Variants in SCN9A observed in about 807,000 individuals in gnomAD.
The protein encoded by SCN9A is sodium channel protein type 9 subunit alpha.
In SCN9A, 131 loss-of-function variants were observed where a neutral mutation model predicts 187.0. The observed-to-expected ratio is 0.70, with a 90% CI of 0.61 to 0.81. The LOEUF is 0.81. Ranked by LOEUF, SCN9A falls within the 30% of genes least tolerant of loss-of-function variation. The pLI is 0.00. For missense variants in SCN9A, 2,252 were observed against 2,396.6 expected, an observed-to-expected ratio of 0.94 and a Z score of 1.26; for synonymous variants, 809 against 808.6, an observed-to-expected ratio of 1.00 and a Z score of -0.01.
chr2:166,346,014 A>G, intron 1 of SCN9A, among the ~76,000 whole-genome samples: 1 of 152,164 alleles, frequency 6.6e-6, no homozygotes, highest in East Asian at 1.9e-4. Flanking sequence ...TTGAAACAAC[A>G]AAGATGGAGA....
At chr2:166,267,070 G>A (rs1418309543) in intron 17 of SCN9A, among the ~76,000 whole-genome samples, 1 of 151,740 alleles carries the variant, frequency 6.6e-6, no homozygotes, top group Non-Finnish European at 1.5e-5. Context: ...GATTGCTCTG[G>A]CTAGAACTTC....
chr2:166,283,095 A>G (rs1005495168), intron 12 of SCN9A, among the ~76,000 whole-genome samples: 6 of 152,152 alleles, frequency 3.9e-5, no homozygotes, highest in African/African-American at 1.2e-4. Context: ...TGATTTTTCT[A>G]TGGTGAAAAA....
chr2:166,288,517 T>G lies in SCN9A; in HGVS notation c.1234A>C (p.Asn412His), dbSNP rs1287920000. 6.2e-7 allele frequency: 1 copy of G among 1,613,366 alleles called. No individual in the cohort carries two copies. Among genetic ancestry groups the G allele is most frequent in the African/African-American group, 1.3e-5 (1 of 74,886 alleles). The part of the protein sequence containing the change: ...AMAYEEQNQA[N>H]IEEAKQKELE... ...TCTTTCTGTTTAGCTTCTTCAATGT[T>G]TGCCTGGTTCTGTTCTTCATATGCC... Residue 412 changes from asparagine to histidine, a missense_variant, in exon 10 of 27, where the codon AAC (asparagine) becomes CAC (histidine). This residue lies in a region of SCN9A where 1,013 missense variants were observed against 997.4 expected (regional missense o/e 1.02). Transcript: ENST00000642356.
intron 24 of SCN9A, among the ~76,000 whole-genome samples, chr2:166,206,123 A>G (rs1693791752): frequency 6.6e-6 from 1 of 152,188 alleles, no homozygotes; most frequent in South Asian, 2.1e-4. Context: ...TCAAGAATCT[A>G]AAACTAGAAA....
chr2:166,365,113 T>C (rs1700383435), intron 1 of SCN9A, among the ~76,000 whole-genome samples: 1 of 152,146 alleles, frequency 6.6e-6, no homozygotes, highest in African/African-American at 2.4e-5. Flanking sequence ...AATGCAAACA[T>C]TTAAAGTTAC....
intron 1 of SCN9A, among the ~76,000 whole-genome samples, chr2:166,340,489 T>TTTTC (rs146963548): frequency 2.0e-5 from 3 of 150,644 alleles, no homozygotes; most frequent in African/African-American, 4.9e-5. Flanking sequence ...CTCTTTCTTT[T>TTTTC]TTTCTTTCTT....
intron 22 of SCN9A, 33 bp downstream of exon 22, chr2:166,228,658 A>C (rs200573776): frequency 1.9e-6 from 3 of 1,540,522 alleles, no homozygotes; most frequent in South Asian, 2.4e-5. Flanking sequence ...ATATCTATTA[A>C]AATACCAAGC....
intron 18 of SCN9A, among the ~76,000 whole-genome samples, chr2:166,246,065 A>G (rs1483918612): frequency 6.6e-6 from 1 of 151,888 alleles, no homozygotes; most frequent in Non-Finnish European, 1.5e-5. Flanking sequence ...GTTATCATGT[A>G]TATTTTATGT....
chr2:166,314,697 C>T (rs190630868), intron 1 of SCN9A, among the ~76,000 whole-genome samples: 38 of 152,206 alleles, frequency 2.5e-4, no homozygotes, highest in African/African-American at 8.9e-4. Context: ...GAACACAGAG[C>T]CAAAAGGCCA....
chr2:166,215,587 A>T (rs1037740428), intron 24 of SCN9A, among the ~76,000 whole-genome samples: 1 of 152,060 alleles, frequency 6.6e-6, no homozygotes, highest in Non-Finnish European at 1.5e-5. Context: ...ACTAACACTG[A>T]TAACACATAA....
At chr2:166,211,957 C>T (rs775539311) in intron 24 of SCN9A, among the ~76,000 whole-genome samples, 17 of 152,034 alleles carry the variant, frequency 1.1e-4, no homozygotes, top group Non-Finnish European at 2.2e-4. Context: ...ATTAAACTTC[C>T]CAATCAAAAG....
At chr2:166,311,175 C>A (rs1431829046) in intron 2 of SCN9A, among the ~76,000 whole-genome samples, 2 of 128,486 alleles carry the variant, frequency 1.6e-5, no homozygotes, top group African/African-American at 3.2e-5. Flanking sequence ...TGCAGCGCAC[C>A]AGCATGGCAC....
At position 166,304,277 on chromosome 2, in the gene SCN9A, T is replaced by G. The variant is rs1553495633; in HGVS notation, c.649A>C (p.Arg217=). The change falls in exon 6 of 27, where the codon AGA becomes CGA. Residue 217 remains arginine, a synonymous_variant. Transcript: ENST00000642356. ...LGNVSALRTF[R]VLRALKTISV... is the part of the protein sequence containing the mutation. ...ATAGTTTTCAAAGCTCTCAATACTC[T>G]GAAAGTTCGAAGAGCTGAAACATTG... is the stretch of plus-strand genomic sequence containing the variant. 1 of 1,613,588 alleles carries G rather than the reference T, an allele frequency of 6.2e-7. No individual in the cohort carries two copies. The highest frequency in any genetic ancestry group is 1.3e-5 in the African/African-American group (1 of 75,034).
chr2:166,340,408 A>AT (rs971010533), intron 1 of SCN9A, among the ~76,000 whole-genome samples: 5 of 151,964 alleles, frequency 3.3e-5, no homozygotes, highest in African/African-American at 9.7e-5. Flanking sequence ...TGGTTTTTGA[A>AT]TTTTTTAAAA....
chr2:166,235,877 C>T (rs1026258921), intron 20 of SCN9A, among the ~76,000 whole-genome samples: 2 of 152,190 alleles, frequency 1.3e-5, no homozygotes, highest in East Asian at 1.9e-4. Context: ...GGAGGTTATA[C>T]TCACTGAGAA....
chr2:166,228,026 C>T (rs1694913561), intron 22 of SCN9A, among the ~76,000 whole-genome samples: 1 of 151,994 alleles, frequency 6.6e-6, no homozygotes, highest in African/African-American at 2.4e-5. Flanking sequence ...AACATCTTTT[C>T]TCCATTTTTT....
chr2:166,265,925 T>G (rs1696715323), intron 17 of SCN9A, among the ~76,000 whole-genome samples: 1 of 152,054 alleles, frequency 6.6e-6, no homozygotes, highest in Non-Finnish European at 1.5e-5. Flanking sequence ...TTTGTCGTTG[T>G]TGAGTTGTTT....
At chr2:166,348,242 AT>A (rs2105293530) in intron 1 of SCN9A, among the ~76,000 whole-genome samples, 1 of 131,270 alleles carries the variant, frequency 7.6e-6, no homozygotes, top group Non-Finnish European at 1.5e-5. Context: ...GTCTTCCAAC[AT>A]TAAAAAAAAA....
At chr2:166,309,357 A>G (rs573539819) in intron 2 of SCN9A, among the ~76,000 whole-genome samples, 9 of 152,324 alleles carry the variant, frequency 5.9e-5, no homozygotes, top group African/African-American at 1.9e-4. Context: ...CTGCATACAC[A>G]TGAGAGTTAA....
Sources: gnomAD v4.1 joint callset for allele counts (sites outside exome capture counted in the v4.1 genomes callset) on GRCh38, gnomAD v4.1.1 for gene constraint, gnomAD v4.1.1 regional missense constraint, MANE v1.5 for transcripts, NCBI Gene and HGNC (gene_info 2026-07-23, HGNC 2026-07-21) for gene names.